The following MAP3K7CL variants were observed in gnomAD, a reference collection of about 807,000 sequenced individuals.
The protein encoded by MAP3K7CL is MAP3K7 C-terminal like, also known as MAP3K7 C-terminal-like protein.
Under a neutral mutation model 18.6 loss-of-function variants are expected in MAP3K7CL, and 16 were observed. The ratio of observed to expected loss-of-function variants is 0.86; its 90% confidence interval spans 0.58 to 1.31. The LOEUF is 1.31. Ranked by LOEUF, MAP3K7CL falls within the 50% of genes most tolerant of loss-of-function variation. The probability of loss-of-function intolerance (pLI) is 0.00; values close to 1 mark genes in which losing one functional copy is unlikely to be tolerated. For missense variants in MAP3K7CL, 163 were observed against 174.4 expected, an observed-to-expected ratio of 0.93 and a Z score of 0.37; for synonymous variants, 65 against 66.8, an observed-to-expected ratio of 0.97 and a Z score of 0.13.
intron 4 of MAP3K7CL, among the ~76,000 whole-genome samples, chr21:29,163,856 C>A (rs2065272): frequency 6.6e-6 from 1 of 151,576 alleles, no homozygotes; most frequent in Non-Finnish European, 1.5e-5. Flanking sequence ...CCAGCATGCC[C>A]AGTTAATTAA....
chr21:29,126,919 T>C (rs1329503860), upstream of MAP3K7CL, among the ~76,000 whole-genome samples: 1 of 152,212 alleles, frequency 6.6e-6, no homozygotes, highest in Non-Finnish European at 1.5e-5. Flanking sequence ...TTTAAAATGT[T>C]GGGGAAAATG....
intron 4 of MAP3K7CL, among the ~76,000 whole-genome samples, chr21:29,108,097 GT>G (rs2146550043): frequency 6.6e-6 from 1 of 152,330 alleles, no homozygotes; most frequent in Non-Finnish European, 1.5e-5. Context: ...TTGATTAAAT[GT>G]CTGTGTCCCC....
chr21:29,157,761 A>C (rs1356777802), intron 3 of MAP3K7CL, among the ~76,000 whole-genome samples: 1 of 152,200 alleles, frequency 6.6e-6, no homozygotes, highest in Non-Finnish European at 1.5e-5. Flanking sequence ...AACATTTCCC[A>C]CTTAGTAAAA....
At chr21:29,090,335 C>T (rs527476073) in intron 1 of MAP3K7CL, among the ~76,000 whole-genome samples, 5 of 152,014 alleles carry the variant, frequency 3.3e-5, no homozygotes, top group South Asian at 2.1e-4. Context: ...AAATGAAATA[C>T]GTAAAAGGCG....
chr21:29,114,082 T>C (rs905165411), intron 4 of MAP3K7CL, among the ~76,000 whole-genome samples: 1 of 152,076 alleles, frequency 6.6e-6, no homozygotes. Context: ...AATTTACTTA[T>C]TTTTGAGACA....
intron 4 of MAP3K7CL, among the ~76,000 whole-genome samples, chr21:29,163,888 G>T (rs894826579): frequency 7.2e-5 from 11 of 151,734 alleles, no homozygotes; most frequent in African/African-American, 2.7e-4. Flanking sequence ...TAAAGAGATG[G>T]CATCTTGCTA....
chr21:29,083,410 T>A (rs1436947351), upstream of MAP3K7CL, among the ~76,000 whole-genome samples: 1 of 152,240 alleles, frequency 6.6e-6, no homozygotes, highest in Admixed American at 6.5e-5. Context: ...TATCATGCCA[T>A]TGTCTTATAA....
At chr21:29,094,604 A>G (rs904075695) in intron 4 of MAP3K7CL, among the ~76,000 whole-genome samples, 2 of 152,200 alleles carry the variant, frequency 1.3e-5, no homozygotes, top group Admixed American at 6.5e-5. Flanking sequence ...ATTTGTATCA[A>G]CTAGTTGAGA....
chr21:29,098,491 A>AG (rs1187825458), intron 4 of MAP3K7CL, among the ~76,000 whole-genome samples: 2 of 152,210 alleles, frequency 1.3e-5, no homozygotes, highest in Non-Finnish European at 2.9e-5. Context: ...AAATTTCTTG[A>AG]GAAAAAAAGG....
chr21:29,088,248 C>T (rs1601124981), intron 1 of MAP3K7CL, among the ~76,000 whole-genome samples: 2 of 152,068 alleles, frequency 1.3e-5, no homozygotes, highest in East Asian at 3.9e-4. Context: ...ACAATTTAGG[C>T]TGTTGTATAT....
chr21:29,087,550 G>A (rs983858329), intron 1 of MAP3K7CL, among the ~76,000 whole-genome samples: 8 of 150,344 alleles, frequency 5.3e-5, no homozygotes, highest in Non-Finnish European at 1.2e-4. Flanking sequence ...AATGGTTTAT[G>A]CAGGATTTAA....
chr21:29,098,105 T>A (rs2086155636), intron 4 of MAP3K7CL, among the ~76,000 whole-genome samples: 2 of 152,228 alleles, frequency 1.3e-5, no homozygotes, highest in Non-Finnish European at 2.9e-5. Context: ...GAGGCTCATG[T>A]CTACCATACT....
At position 29,133,289 on chromosome 21, in the gene MAP3K7CL, C is replaced by T. The variant is rs1303867160; in HGVS notation, c.-39-17C>T. 3.9e-6 allele frequency: 6 copies of T among 1,542,524 alleles called. No homozygotes were observed. The highest frequency in any genetic ancestry group is 5.3e-6 in the Non-Finnish European group (6 of 1,140,240). On this transcript the variant is annotated splice_polypyrimidine_tract_variant and intron_variant, in intron 1 of 4. Transcript: ENST00000399928. Reference sequence around the variant, plus strand: ...GATGCTGGATAAAGTGACAATGGCTCTCTCTTGCTGTCACAGCTGGAAGAC... The same window carrying T: ...GATGCTGGATAAAGTGACAATGGCTTTCTCTTGCTGTCACAGCTGGAAGAC...
At chr21:29,100,683 C>A (rs559438479) in intron 4 of MAP3K7CL, among the ~76,000 whole-genome samples, 2 of 148,128 alleles carry the variant, frequency 1.4e-5, no homozygotes, top group East Asian at 2.0e-4. Flanking sequence ...CCAACATTAG[C>A]AGCTTAAAAC....
intron 4 of MAP3K7CL, chr21:29,109,231 G>A (rs1032857140): frequency 8.5e-6 from 13 of 1,535,044 alleles, no homozygotes; most frequent in South Asian, 2.4e-5. Flanking sequence ...TATGAGCTCC[G>A]AGGAAGAAGA....
At chr21:29,138,073 G>A (rs1010428189) in intron 2 of MAP3K7CL, among the ~76,000 whole-genome samples, 10 of 152,092 alleles carry the variant, frequency 6.6e-5, no homozygotes, top group African/African-American at 2.4e-4. Flanking sequence ...TGAGGAGTTG[G>A]TCATTTTTCA....
intron 4 of MAP3K7CL, among the ~76,000 whole-genome samples, chr21:29,093,074 T>G (rs2086057822): frequency 6.6e-6 from 1 of 152,174 alleles, no homozygotes. Flanking sequence ...CAGCTAAGTT[T>G]TGTATTTTTA....
At position 29,108,213 on chromosome 21, in the gene MAP3K7CL, A is replaced by G. The variant is rs563473510; in HGVS notation, c.370+15632A>G. Among the ~76,000 whole-genome samples the G allele has an allele frequency of 1.7e-4, 26 of 152,310 alleles. No homozygotes were observed. The South Asian group carries it at 2.1e-3, about 12-fold the overall frequency. On this transcript the variant is annotated intron_variant, in intron 4 of 6. Transcript: ENST00000286791. The stretch of plus-strand genomic sequence containing the variant: ...GTCGTAAGAGTGGGACCCTGATCAG[A>G]TAGGCTTAGTGTCCTTATAAGAAGA...
rs2086043195 is a variant in MAP3K7CL, at chr21:29,092,365, G to A, written c.228-74G>A. The A allele has an allele frequency of 3.2e-6, 5 of 1,558,114 alleles. No homozygotes were observed. In the African/African-American group the frequency reaches 5.4e-5, roughly 17 times the overall value. ...TTCAATTTCTTCTCAGGGAAAAAAAGAACTGACATCAAAAGGTCTGTGCGG... is the reference window on the plus strand; with the variant it reads ...TTCAATTTCTTCTCAGGGAAAAAAAAAACTGACATCAAAAGGTCTGTGCGG... On this transcript the variant is annotated intron_variant, in intron 3 of 6. Coordinates refer to the MAP3K7CL transcript ENST00000286791.
Sources: allele counts gnomAD v4.1 joint callset (sites outside exome capture counted in the v4.1 genomes callset), GRCh38; gene constraint gnomAD v4.1.1; transcripts MANE v1.5; gene names NCBI Gene and HGNC (gene_info 2026-07-23, HGNC 2026-07-21).